The following LRMDA variants were observed in gnomAD, a reference collection of about 807,000 sequenced individuals.
LRMDA encodes the protein leucine rich melanocyte differentiation associated, also known as leucine-rich melanocyte differentiation-associated protein.
Under a neutral mutation model 29.8 loss-of-function variants are expected in LRMDA, and 18 were observed. The ratio of observed to expected loss-of-function variants is 0.60; its 90% CI spans 0.42 to 0.90. The LOEUF (loss-of-function observed/expected upper bound fraction) is 0.90. LRMDA is among the 40% of genes least tolerant of loss of function. LRMDA has a pLI of 0.00. For synonymous variants in LRMDA, 125 were observed against 109.4 expected, an observed-to-expected ratio of 1.14 and a Z score of -0.89; for missense variants, 273 against 273.9, an observed-to-expected ratio of 1.00 and a Z score of 0.02.
chr10:75,894,065 G>A (rs544747117), intron 2 of LRMDA, among the ~76,000 whole-genome samples: 1 of 152,176 alleles, frequency 6.6e-6, no homozygotes, highest in South Asian at 2.1e-4. Context: ...GGGGGTACAG[G>A]TGGTATTTGG....
intron 5 of LRMDA, among the ~76,000 whole-genome samples, chr10:76,117,565 A>G (rs955943686): frequency 6.6e-6 from 1 of 152,246 alleles, no homozygotes; most frequent in African/African-American, 2.4e-5. Flanking sequence ...CCTCAGCATC[A>G]TACAGCCTTT....
At chr10:75,445,761 T>C (rs1255173487) in intron 2 of LRMDA, among the ~76,000 whole-genome samples, 3 of 152,230 alleles carry the variant, frequency 2.0e-5, no homozygotes, top group Non-Finnish European at 4.4e-5. Flanking sequence ...AGAGCTCCCA[T>C]GGCAAACAGT....
chr10:76,350,385 ATAAT>A (rs1441198376), intron 6 of LRMDA, among the ~76,000 whole-genome samples: 2 of 152,160 alleles, frequency 1.3e-5, no homozygotes, highest in South Asian at 2.1e-4. Context: ...TTTTCAAAAA[ATAAT>A]TAAGTCAAGT....
At chr10:75,503,781 A>G (rs1285353655) in intron 2 of LRMDA, among the ~76,000 whole-genome samples, 1 of 152,110 alleles carries the variant, frequency 6.6e-6, no homozygotes, top group Admixed American at 6.6e-5. Flanking sequence ...CTCGCACAGT[A>G]GGTTGTCTTT....
chr10:75,842,986 C>T (rs1844567886), intron 2 of LRMDA, among the ~76,000 whole-genome samples: 1 of 152,138 alleles, frequency 6.6e-6, no homozygotes, highest in Non-Finnish European at 1.5e-5. Flanking sequence ...GCACCACTAC[C>T]CTCTACCCTG....
intron 6 of LRMDA, among the ~76,000 whole-genome samples, chr10:76,489,801 T>A (rs1415206299): frequency 6.6e-6 from 1 of 151,730 alleles, no homozygotes; most frequent in African/African-American, 2.4e-5. Flanking sequence ...AATGTACTCA[T>A]GTAAACAAAC....
chr10:75,439,282 G>A (rs1844299258), intron 2 of LRMDA, among the ~76,000 whole-genome samples: 1 of 152,184 alleles, frequency 6.6e-6, no homozygotes, highest in African/African-American at 2.4e-5. Context: ...ACAAGCTGGT[G>A]CCACCCAGGG....
In LRMDA at chr10:75,737,057, G is replaced by A. The variant is rs927676713; in HGVS notation, c.131+298563G>A. Among the ~76,000 whole-genome samples the A allele has an allele frequency of 6.6e-5, 10 of 150,876 alleles. No homozygotes were observed. The East Asian group carries it at 1.6e-3, about 23-fold the overall frequency. On this transcript the variant is annotated intron_variant, in intron 2 of 6. Coordinates refer to ENST00000611255, the MANE Select transcript of LRMDA (RefSeq NM_001305581.2). ...TTTGTATACACACACATGCACGCACGCACGCACACACACACACACACGCAC... is the reference window on the plus strand; with the variant it reads ...TTTGTATACACACACATGCACGCACACACGCACACACACACACACACGCAC...
At chr10:75,444,995 C>T (rs1844373944) in intron 2 of LRMDA, among the ~76,000 whole-genome samples, 1 of 152,198 alleles carries the variant, frequency 6.6e-6, no homozygotes, top group South Asian at 2.1e-4. Flanking sequence ...ACGATCATGA[C>T]TCACTGCAAC....
At chr10:75,477,747 C>A (rs1193962616) in intron 2 of LRMDA, among the ~76,000 whole-genome samples, 3 of 152,220 alleles carry the variant, frequency 2.0e-5, no homozygotes, top group African/African-American at 7.2e-5. Flanking sequence ...AAGCAGTCCC[C>A]TTGGGCTAAG....
rs58666071 is a variant in LRMDA, at chr10:76,504,618, T to C, written c.602-52591T>C. On this transcript the variant is annotated intron_variant, in intron 6 of 6. Coordinates refer to ENST00000611255, the MANE Select transcript of LRMDA (RefSeq NM_001305581.2). Reference sequence around the variant, plus strand: ...GTTTTAAAGTTTGTTTTATCTGATATAAGAATAGTGAGTAGTGCTCTTTTT... The same window carrying C: ...GTTTTAAAGTTTGTTTTATCTGATACAAGAATAGTGAGTAGTGCTCTTTTT... Among the ~76,000 whole-genome samples, 1,370 of 152,170 alleles carry C rather than the reference T, an allele frequency of 9.0e-3. 19 individuals carry two copies. Among genetic ancestry groups the C allele is most frequent in the African/African-American group, 0.031 (1,303 of 41,556 alleles).
chr10:75,683,944 C>T (rs1842053500), intron 2 of LRMDA, among the ~76,000 whole-genome samples: 1 of 152,144 alleles, frequency 6.6e-6, no homozygotes, highest in Non-Finnish European at 1.5e-5. Context: ...GCCTCCTGCC[C>T]CACCAGAGTT....
intron 2 of LRMDA, among the ~76,000 whole-genome samples, chr10:75,787,574 G>A (rs532514493): frequency 6.6e-6 from 1 of 152,258 alleles, no homozygotes; most frequent in African/African-American, 2.4e-5. Flanking sequence ...TCATGATACT[G>A]TTGCCAAAAT....
chr10:75,506,733 AT>A (rs1250065225), intron 2 of LRMDA, among the ~76,000 whole-genome samples: 5 of 152,286 alleles, frequency 3.3e-5, no homozygotes, highest in Middle Eastern at 3.4e-3. Flanking sequence ...ATGATGATTG[AT>A]TTCACTGACT....
chr10:76,193,431 C>T (rs1188213561), intron 5 of LRMDA, among the ~76,000 whole-genome samples: 1 of 152,192 alleles, frequency 6.6e-6, no homozygotes, highest in Non-Finnish European at 1.5e-5. Context: ...AAAGGAAAGG[C>T]ACCTCTGAGG....
At chr10:76,134,423 G>A (rs919130457) in intron 5 of LRMDA, among the ~76,000 whole-genome samples, 22 of 152,190 alleles carry the variant, frequency 1.4e-4, no homozygotes, top group African/African-American at 5.3e-4. Context: ...GTGGCCTTAG[G>A]ACTAAGACCC....
intron 2 of LRMDA, among the ~76,000 whole-genome samples, chr10:75,830,207 G>A (rs2132290329): frequency 6.6e-6 from 1 of 152,258 alleles, no homozygotes; most frequent in Admixed American, 6.5e-5. Flanking sequence ...TGAAGCTCTA[G>A]TAACCCAGCA....
chr10:75,857,373 T>C (rs905082767), intron 2 of LRMDA, among the ~76,000 whole-genome samples: 7 of 152,124 alleles, frequency 4.6e-5, no homozygotes, highest in African/African-American at 1.7e-4. Context: ...AGAAAAATCA[T>C]CCTCTCACCA....
intron 6 of LRMDA, among the ~76,000 whole-genome samples, chr10:76,376,664 A>G (rs1841522004): frequency 6.6e-6 from 1 of 152,104 alleles, no homozygotes; most frequent in African/African-American, 2.4e-5. Flanking sequence ...TAAAGGTTGT[A>G]CTTTCATTCC....
Sources: gnomAD v4.1 joint callset for allele counts (sites outside exome capture counted in the v4.1 genomes callset) on GRCh38, gnomAD v4.1.1 for gene constraint, MANE v1.5 for transcripts, NCBI Gene and HGNC (gene_info 2026-07-23, HGNC 2026-07-21) for gene names.